The following SCAF8 variants were observed in gnomAD, a reference collection of about 807,000 sequenced individuals.
The protein encoded by SCAF8 is SR-related CTD associated factor 8.
SCAF8 carries 23 observed loss-of-function variants against 140.5 expected under a neutral mutation model. The ratio of observed to expected loss-of-function variants is 0.16; its 90% CI spans 0.12 to 0.23. SCAF8 has a LOEUF of 0.23. Among genes scored for constraint, SCAF8 ranks in the 10% least tolerant of loss-of-function variants. SCAF8 has a pLI of 1.00. For synonymous variants in SCAF8, 575 were observed against 528.9 expected (o/e 1.09, Z -1.20); for missense variants, 1,397 against 1,555.7 (o/e 0.90, Z 1.72).
At chr6:154,817,442 T>A (rs1462384771) in intron 13 of SCAF8, among the ~76,000 whole-genome samples, 1 of 152,250 alleles carries the variant, frequency 6.6e-6, no homozygotes, top group African/African-American at 2.4e-5. Flanking sequence ...TAAGTTATTT[T>A]GTGAAATGAA....
rs755205083 is a variant in SCAF8 at position 154,795,100 on chromosome 6, G to A, written c.567G>A (p.Ala189=). ...AGATAACAAATACAGATACACTTGCGGCTGTAGCTCAGATCTTGCAAAGTC... is the reference window on the plus strand; with the variant it reads ...AGATAACAAATACAGATACACTTGCAGCTGTAGCTCAGATCTTGCAAAGTC... ...VSQITNTDTL[A]AVAQILQSPQ... is the part of the protein sequence containing the mutation. The change falls in exon 6 of 20, where the codon GCG becomes GCA. Residue 189 remains alanine (A), a synonymous_variant. Transcript: ENST00000367178. The A allele has an allele frequency of 1.4e-5, 22 of 1,613,132 alleles. No individual in the cohort carries two copies. The highest frequency in any genetic ancestry group is 2.2e-5 in the South Asian group (2 of 90,970).
Position 154,832,861 on chromosome 6 carries a change from G to A in SCAF8, c.3282G>A (p.Gly1094=), listed in dbSNP as rs779295768. The A allele has an allele frequency of 6.2e-7, 1 of 1,614,056 alleles. No homozygotes were observed. The highest frequency in any genetic ancestry group is 1.1e-5 in the South Asian group (1 of 91,066). The change falls in exon 20 of 20, where the codon GGG becomes GGA. Residue 1094 remains glycine (G), a synonymous_variant. Transcript: ENST00000367178. Reference sequence around the variant, plus strand: ...GCTTTAATCCAGAGAAGCCCTGGGGGCATAGAGGAGATTTTGATGAGAGAG... The same window carrying A: ...GCTTTAATCCAGAGAAGCCCTGGGGACATAGAGGAGATTTTGATGAGAGAG... ...HFGFNPEKPW[G]HRGDFDEREH...
intron 9 of SCAF8, among the ~76,000 whole-genome samples, chr6:154,807,449 C>T (rs779703794): frequency 1.6e-4 from 25 of 152,300 alleles, no homozygotes; most frequent in Middle Eastern, 3.4e-3. Flanking sequence ...ATGCAGATCT[C>T]GGCTCACTGC....
chr6:154,775,646 G>C (rs959816983), intron 2 of SCAF8, among the ~76,000 whole-genome samples: 2 of 152,100 alleles, frequency 1.3e-5, no homozygotes, highest in Non-Finnish European at 2.9e-5. Context: ...GGGACACATC[G>C]TTAGTCCTAG....
intron 1 of SCAF8, among the ~76,000 whole-genome samples, chr6:154,763,231 A>G (rs1000993309): frequency 3.9e-5 from 6 of 152,018 alleles, no homozygotes; most frequent in African/African-American, 1.4e-4. Flanking sequence ...CCTCCCAGTA[A>G]GAGGAAGAAA....
Position 154,832,497 on chromosome 6 carries a change from G to C in SCAF8, c.2918G>C (p.Gly973Ala). ...CCACCCCGTGGACCTTTTCCTCCAG[G>C]AGATATTTTTAGTCAACCAGAAAGA... ...HPPPRGPFPP[G>A]DIFSQPERPF... Residue 973 changes from glycine to alanine, a missense_variant, in exon 20 of 20, where the codon GGA becomes GCA. Gly to Ala is a moderately conservative substitution (Grantham distance 60). Around this residue, in one of 5 missense-constraint regions of SCAF8, gnomAD observed 930 missense variants for 874.6 expected, o/e 1.06. Coordinates refer to ENST00000367178, the MANE Select transcript of SCAF8 (RefSeq NM_014892.5). 2.5e-6 allele frequency: 4 copies of C among 1,613,894 alleles called. No homozygotes were observed. The highest frequency in any genetic ancestry group is 3.4e-6 in the Non-Finnish European group (4 of 1,179,942).
At chr6:154,796,897 C>T (rs1777624037) in intron 6 of SCAF8, among the ~76,000 whole-genome samples, 8 of 151,412 alleles carry the variant, frequency 5.3e-5, no homozygotes, top group Admixed American at 5.3e-4. Context: ...GCTTGAACCT[C>T]AGAAGTGGAG....
chr6:154,783,337 G>A (rs528578249), intron 3 of SCAF8, among the ~76,000 whole-genome samples: 3 of 152,164 alleles, frequency 2.0e-5, no homozygotes, highest in Non-Finnish European at 4.4e-5. Context: ...TAGATGCTTT[G>A]TTACAGTGAA....
intron 1 of SCAF8, among the ~76,000 whole-genome samples, chr6:154,752,709 A>G (rs1562426932): frequency 1.3e-5 from 2 of 152,150 alleles, no homozygotes; most frequent in African/African-American, 2.4e-5. Flanking sequence ...TAAAATACAG[A>G]CTATAATGTA....
intron 12 of SCAF8, among the ~76,000 whole-genome samples, chr6:154,813,334 G>A (rs563791501): frequency 5.9e-5 from 9 of 152,298 alleles, no homozygotes; most frequent in Middle Eastern, 3.4e-3. Context: ...AGACCAGCCT[G>A]GGAAGAGCAA....
At chr6:154,773,441 A>G (rs1776829796) in intron 1 of SCAF8, among the ~76,000 whole-genome samples, 1 of 152,182 alleles carries the variant, frequency 6.6e-6, no homozygotes, top group Admixed American at 6.5e-5. Flanking sequence ...TTTACTCATT[A>G]GCTGACAGAT....
chr6:154,799,974 C>G (rs1777723862), intron 6 of SCAF8, among the ~76,000 whole-genome samples: 1 of 151,016 alleles, frequency 6.6e-6, no homozygotes, highest in Non-Finnish European at 1.5e-5. Flanking sequence ...TTAGTAGAGA[C>G]AAGGTTTCAC....
At chr6:154,797,181 A>T (rs1208784042) in intron 6 of SCAF8, among the ~76,000 whole-genome samples, 1 of 151,612 alleles carries the variant, frequency 6.6e-6, no homozygotes, top group Admixed American at 6.6e-5. Context: ...TTAAAAACTA[A>T]CTTTGGCATG....
At chr6:154,766,668 C>A (rs1452902770) in intron 1 of SCAF8, among the ~76,000 whole-genome samples, 1 of 97,238 alleles carries the variant, frequency 1.0e-5, no homozygotes, top group Non-Finnish European at 2.0e-5. Context: ...CACCCCCCCC[C>A]CTTTTTTTTT....
chr6:154,833,031 A>T lies in SCAF8; in HGVS notation c.3452A>T (p.Asp1151Val). 1 of 1,614,152 alleles carries T rather than the reference A, an allele frequency of 6.2e-7. No homozygotes were observed. Among genetic ancestry groups the T allele is most frequent in the Non-Finnish European group, 8.5e-7 (1 of 1,180,020 alleles). ...FGQEVHRDFD[D>V]RRRPWERQRD... ...CAAGAAGTTCACAGAGATTTTGATG[A>T]CCGCAGAAGACCCTGGGAGAGGCAA... The change falls in exon 20 of 20, where the codon GAC (aspartate) becomes GTC (valine). Residue 1151 changes from aspartate to valine, a missense_variant. Around this residue, in one of 5 missense-constraint regions of SCAF8, gnomAD observed 930 missense variants for 874.6 expected, o/e 1.06. Transcript: ENST00000367178.
At chr6:154,834,224 A>G (rs988548581), downstream of SCAF8, 4 of 152,208 alleles carry the variant, frequency 2.6e-5, no homozygotes, top group Admixed American at 6.5e-5. Flanking sequence ...CCTCCTCAGT[A>G]TGTGTATAAT....
chr6:154,733,986 C>T (rs1705150404), intron 1 of SCAF8, 56 bp downstream of exon 1: 5 of 1,472,844 alleles, frequency 3.4e-6, no homozygotes, highest in Non-Finnish European at 4.5e-6. Flanking sequence ...CACCCCTGGT[C>T]GAGGCCGGGG....
chr6:154,808,364 G>A (rs1421425093), intron 10 of SCAF8, among the ~76,000 whole-genome samples, 163 bp downstream of exon 10: 2 of 152,124 alleles, frequency 1.3e-5, no homozygotes, highest in African/African-American at 4.8e-5. Flanking sequence ...CCTAAGCATG[G>A]CCCCTAGGCC....
chr6:154,795,355 CA>C (rs1262436073), intron 6 of SCAF8, among the ~76,000 whole-genome samples: 13 of 151,940 alleles, frequency 8.6e-5, no homozygotes, highest in African/African-American at 3.1e-4. Flanking sequence ...TATTCTGTAC[CA>C]AAATACGGAA....
Sources: allele counts gnomAD v4.1 joint callset (sites outside exome capture counted in the v4.1 genomes callset), GRCh38; gene constraint gnomAD v4.1.1; regional missense constraint gnomAD v4.1.1; transcripts MANE v1.5; gene names NCBI Gene and HGNC (gene_info 2026-07-23, HGNC 2026-07-21).